CATSPERG: variants seen among roughly 807,000 people sequenced by gnomAD.
The protein encoded by CATSPERG is cation channel sperm-associated auxiliary subunit gamma.
In CATSPERG, 115 loss-of-function variants were observed where a neutral mutation model predicts 145.0. The ratio of observed to expected loss-of-function variants is 0.79; its 90% CI spans 0.68 to 0.93. The LOEUF (loss-of-function observed/expected upper bound fraction) is 0.93. Among genes scored for constraint, CATSPERG ranks in the 40% least tolerant of loss-of-function variants. CATSPERG has a pLI of 0.00. For missense variants in CATSPERG, 1,296 were observed against 1,490.1 expected, an observed-to-expected ratio of 0.87 and a Z score of 2.14; for synonymous variants, 588 against 589.0, an observed-to-expected ratio of 1.00 and a Z score of 0.02.
Position 38,358,518 on chromosome 19 carries a change from T to C in CATSPERG, c.1453T>C (p.Tyr485His), listed in dbSNP as rs560292125. The C allele has an allele frequency of 1.2e-6, 2 of 1,614,196 alleles. No homozygotes were observed. Among genetic ancestry groups the C allele is most frequent in the Admixed American group, 1.7e-5 (1 of 60,022 alleles). ...MAPKGIFCNP[Y>H]NNLIFIWGNF... is the part of the protein sequence containing the mutation. ...CCCCAAGGGCATCTTCTGTAACCCG[T>C]ACAACAATCTGATCTTCATCTGGGG... Residue 485 changes from tyrosine (Y) to histidine (H), a missense_variant, in exon 13 of 29, where the codon TAC becomes CAC. Physicochemically the swap from Tyr to His is moderately conservative, Grantham distance 83 (BLOSUM62 2). Transcript: ENST00000409235.
At chr19:38,355,162 T>G (rs1199118071) in intron 9 of CATSPERG, among the ~76,000 whole-genome samples, 1 of 151,008 alleles carries the variant, frequency 6.6e-6, no homozygotes, top group African/African-American at 2.4e-5. Context: ...CTGGCCAACA[T>G]GGTGAAACCC....
Position 38,354,813 on chromosome 19 carries a change from G to A in CATSPERG, c.1101G>A (p.Lys367=). ...SEYIMALTTG[K]HEGYVHFGTI... ...ACATAATGGCCCTCACCACGGGCAA[G>A]CATGAGGGTTATGTACACTTCGGGA... The change falls in exon 9 of 29, where the codon AAG becomes AAA. Residue 367 remains lysine (K), a synonymous_variant. Transcript: ENST00000409235. 1 of 1,614,190 alleles carries A rather than the reference G, an allele frequency of 6.2e-7. No individual in the cohort carries two copies. The highest frequency in any genetic ancestry group is 1.1e-5 in the South Asian group (1 of 91,086).
intron 7 of CATSPERG, among the ~76,000 whole-genome samples, chr19:38,351,501 G>A (rs999007577): frequency 6.6e-6 from 1 of 151,966 alleles, no homozygotes; most frequent in African/African-American, 2.4e-5. Flanking sequence ...CCAGCTACTC[G>A]GGAAGCTGAG....
chr19:38,339,616 T>C lies in CATSPERG; in HGVS notation c.324+1970T>C, dbSNP rs530787493. Among the ~76,000 whole-genome samples, 112 of 151,906 alleles carry C rather than the reference T, an allele frequency of 7.4e-4. 1 individual carries two copies. Among genetic ancestry groups the C allele is most frequent in the Middle Eastern group, 3.4e-3 (1 of 290 alleles). ...GAGTAGCAGGAATTAAAGTTTTTAA[T>C]TTTGGTGAAGCCCAGTTTATAAATT... On this transcript the variant is annotated intron_variant, in intron 3 of 28. Coordinates refer to ENST00000409235, the MANE Select transcript of CATSPERG (RefSeq NM_021185.5).
In CATSPERG at chr19:38,343,711, C is replaced by G. The variant is rs1323272353; in HGVS notation, c.456C>G (p.Pro152=). The G allele has an allele frequency of 6.4e-7, 1 of 1,550,478 alleles. No homozygotes were observed. Among genetic ancestry groups the G allele is most frequent in the Non-Finnish European group, 8.7e-7 (1 of 1,146,892 alleles). Reference sequence around the variant, plus strand: ...TGCAGATCCAGATGGAGGCTGCCCCCTTCCGCAGCAAAGGTGGGCCTGGGG... The same window carrying G: ...TGCAGATCCAGATGGAGGCTGCCCCGTTCCGCAGCAAAGGTGGGCCTGGGG... ...EQLQIQMEAA[P]FRSKEPCMAE... Residue 152 remains proline, a synonymous_variant, in exon 4 of 29, where the codon CCC becomes CCG. Transcript: ENST00000409235.
In CATSPERG at chr19:38,347,664, G is replaced by T. The variant is rs147288113; in HGVS notation, c.825+1059G>T. Among the ~76,000 whole-genome samples, 998 of 152,276 alleles carry T rather than the reference G, an allele frequency of 6.6e-3. 8 individuals carry two copies. Among genetic ancestry groups the T allele is most frequent in the African/African-American group, 0.022 (934 of 41,556 alleles). On this transcript the variant is annotated intron_variant, in intron 7 of 28. Transcript: ENST00000409235. The stretch of plus-strand genomic sequence containing the variant: ...GGCTTTAAGAAGTGCACCCACAGCC[G>T]GTGCAGTGGCTCACGCCTATAATCC...
Position 38,362,820 on chromosome 19 carries a change from G to C in CATSPERG, c.2463G>C (p.Ser821=), listed in dbSNP as rs1970374254. The change falls in exon 20 of 29, where the codon TCG becomes TCC. Residue 821 remains serine, a synonymous_variant. Transcript: ENST00000409235. ...VKQEVLINRN[S]VLFSITLKDK... Reference sequence around the variant, plus strand: ...AGGAGGTCCTGATTAATCGCAACTCGGTGCTATTTTCGGTGAGGCCCCCCG... The same window carrying C: ...AGGAGGTCCTGATTAATCGCAACTCCGTGCTATTTTCGGTGAGGCCCCCCG... 4 of 1,613,162 alleles carry C rather than the reference G, an allele frequency of 2.5e-6. No homozygotes were observed. The highest frequency in any genetic ancestry group is 1.7e-4 in the Middle Eastern group (1 of 6,052).
At position 38,344,100 on chromosome 19, in the gene CATSPERG, A is replaced by G. The variant is rs1329247233; in HGVS notation, c.577A>G (p.Thr193Ala). Residue 193 changes from threonine to alanine, a missense_variant, in exon 5 of 29, where the codon ACC becomes GCC. Coordinates refer to ENST00000409235, the MANE Select transcript of CATSPERG (RefSeq NM_021185.5). ...GGACATCAGCAGCAATGGCCTGGGG[A>G]CCTTCATTCCAGATAAAAGGTACCC... ...RVDISSNGLGTFIPDKRFQMN... is the reference protein window; with the variant it reads ...RVDISSNGLGAFIPDKRFQMN... 1 of 1,551,530 alleles carries G rather than the reference A, an allele frequency of 6.4e-7. No individual in the cohort carries two copies. The highest frequency in any genetic ancestry group is 2.4e-5 in the East Asian group (1 of 40,908).
At chr19:38,349,885 G>A (rs190802579) in intron 7 of CATSPERG, among the ~76,000 whole-genome samples, 73 of 152,140 alleles carry the variant, frequency 4.8e-4, no homozygotes, top group African/African-American at 1.5e-3. Context: ...GGCTGGTCCC[G>A]AACTCCTGAC....
In CATSPERG at chr19:38,370,179, A is replaced by C; in HGVS notation, c.3134A>C (p.Tyr1045Ser). The C allele has an allele frequency of 6.2e-7, 1 of 1,613,898 alleles. No individual in the cohort carries two copies. The highest frequency in any genetic ancestry group is 8.5e-7 in the Non-Finnish European group (1 of 1,180,014). Residue 1045 changes from tyrosine (Y) to serine (S), a missense_variant, in exon 28 of 29, where the codon TAC (tyrosine) becomes TCC (serine). Tyr to Ser is a moderately radical substitution (Grantham distance 144). Transcript: ENST00000409235. ...TGCAGAGGAGTGGACACGAGCACCT[A>C]CTGCAACTACCAGCTCACCTTCCTG... The part of the protein sequence containing the change: ...VSNRGVDTST[Y>S]CNYQLTFLLH...
In CATSPERG at chr19:38,356,743, T is replaced by A; in HGVS notation, c.1197T>A (p.Val399=). The change falls in exon 11 of 29, where the codon GTT becomes GTA. Residue 399 remains valine, a splice_region_variant and synonymous_variant. Coordinates refer to ENST00000409235, the MANE Select transcript of CATSPERG (RefSeq NM_021185.5). ...CTGGACTGCCCCTTTCCCTCTCAGT[T>A]ACCACCTGCTCCATAATTTGGTCTG... ...RQWSVCEQIG[V]TTCSIIWSEY... 2 of 1,614,056 alleles carry A rather than the reference T, an allele frequency of 1.2e-6. No individual in the cohort carries two copies. Among genetic ancestry groups the A allele is most frequent in the South Asian group, 2.2e-5 (2 of 91,076 alleles).
At position 38,370,761 on chromosome 19, in the gene CATSPERG, A is replaced by G. The variant is rs754107803; in HGVS notation, c.3449A>G (p.Lys1150Arg). 3.1e-6 allele frequency: 5 copies of G among 1,614,032 alleles called. No homozygotes were observed. The highest frequency in any genetic ancestry group is 2.5e-6 in the Non-Finnish European group (3 of 1,179,988). Residue 1150 changes from lysine to arginine, a missense_variant, in exon 29 of 29, where the codon AAG becomes AGG. By Grantham distance (26) the Lys-to-Arg change is conservative. Coordinates refer to ENST00000409235, the MANE Select transcript of CATSPERG (RefSeq NM_021185.5). ...SRMTEDRAEP[K>R]EAVERQLMT ...ATGACAGAGGACAGGGCTGAACCCAAGGAAGCCGTGGAGAGACAGTTGATG... is the reference window on the plus strand; with the variant it reads ...ATGACAGAGGACAGGGCTGAACCCAGGGAAGCCGTGGAGAGACAGTTGATG...
At chr19:38,359,343 G>A in intron 13 of CATSPERG, 127 bp from the exon 14 acceptor site, 1 of 594,622 alleles carries the variant, frequency 1.7e-6, no homozygotes, top group South Asian at 1.8e-5. Context: ...CGGGAGCTAG[G>A]ATTTCAAGCT....
intron 22 of CATSPERG, chr19:38,366,594 A>C (rs765397707): frequency 6.5e-6 from 1 of 153,520 alleles, no homozygotes; most frequent in Non-Finnish European, 1.4e-5. Flanking sequence ...GGGGACATCA[A>C]TGAGGGGACT....
At chr19:38,356,953 A>G in intron 11 of CATSPERG, 92 bp downstream of exon 11, 1 of 1,513,118 alleles carries the variant, frequency 6.6e-7, no homozygotes, top group East Asian at 2.3e-5. Context: ...TGCCCAGCAG[A>G]CAGAGGGAGG....
chr19:38,363,161 C>CG (rs1970383650), intron 20 of CATSPERG, among the ~76,000 whole-genome samples: 2 of 152,116 alleles, frequency 1.3e-5, no homozygotes, highest in African/African-American at 4.8e-5. Context: ...GCCTCAGCCT[C>CG]CCTAGTAGCT....
Position 38,352,371 on chromosome 19 carries a change from C to T in CATSPERG, c.936C>T (p.Asn312=). The T allele has an allele frequency of 1.3e-6, 2 of 1,551,900 alleles. No individual in the cohort carries two copies. Among genetic ancestry groups the T allele is most frequent in the Non-Finnish European group, 1.7e-6 (2 of 1,147,108 alleles). The change falls in exon 8 of 29, where the codon AAC becomes AAT. Residue 312 remains asparagine (N), a synonymous_variant. Coordinates refer to ENST00000409235, the MANE Select transcript of CATSPERG (RefSeq NM_021185.5). The part of the protein sequence containing the change: ...ATESTLFIRQ[N]QLVYYFTGTY... The stretch of plus-strand genomic sequence containing the variant: ...AGAGCACCCTCTTCATTCGGCAGAA[C>T]CAGCTGGTCTACTATTTTACAGGCA...
chr19:38,336,364 C>T (rs1969836196), intron 1 of CATSPERG: 1 of 328,098 alleles, frequency 3.0e-6, no homozygotes. Context: ...CGGGACGGGG[C>T]GACGGGCCCG....
intron 3 of CATSPERG, among the ~76,000 whole-genome samples, chr19:38,339,763 C>A (rs1969906042): frequency 2.6e-5 from 4 of 151,980 alleles, no homozygotes; most frequent in Admixed American, 2.0e-4. Context: ...ACATTTAGGT[C>A]TTTCATCCAT....
Sources: gnomAD v4.1 joint callset for allele counts (sites outside exome capture counted in the v4.1 genomes callset) on GRCh38, gnomAD v4.1.1 for gene constraint, MANE v1.5 for transcripts, NCBI Gene and HGNC (gene_info 2026-07-23, HGNC 2026-07-21) for gene names.